The following KPNA1 variants were observed in gnomAD, a reference collection of about 807,000 sequenced individuals.
KPNA1 encodes importin subunit alpha-5.
A neutral mutation model predicts 70.5 loss-of-function variants in KPNA1; 10 were observed. That is an observed-to-expected ratio of 0.14 (90% CI 0.09 to 0.24). The LOEUF (loss-of-function observed/expected upper bound fraction) is 0.24, where lower values mean the gene tolerates loss of function less well. Among genes scored for constraint, KPNA1 ranks in the 10% least tolerant of loss-of-function variants. The pLI is 1.00. For synonymous variants in KPNA1, 192 were observed against 221.9 expected, an observed-to-expected ratio of 0.87 and a Z score of 1.20; for missense variants, 397 against 637.9, an observed-to-expected ratio of 0.62 and a Z score of 4.07.
At chr3:122,446,417 T>TG (rs1283177430) in intron 9 of KPNA1, among the ~76,000 whole-genome samples, 2 of 152,216 alleles carry the variant, frequency 1.3e-5, no homozygotes, top group Non-Finnish European at 2.9e-5. Context: ...TGATCCTGAA[T>TG]GACTACTGGG....
intron 1 of KPNA1, among the ~76,000 whole-genome samples, chr3:122,512,329 G>C (rs1402007139): frequency 6.6e-6 from 1 of 152,166 alleles, no homozygotes; most frequent in Non-Finnish European, 1.5e-5. Context: ...ATGAAGAAAA[G>C]ATGTTTTTAA....
chr3:122,439,892 G>C (rs1208514114), intron 10 of KPNA1, among the ~76,000 whole-genome samples: 1 of 152,148 alleles, frequency 6.6e-6, no homozygotes, highest in Admixed American at 6.5e-5. Flanking sequence ...TGTAGGTAAA[G>C]AGAATAGTTA....
chr3:122,481,102 A>G (rs2076565830), intron 2 of KPNA1, among the ~76,000 whole-genome samples: 1 of 152,258 alleles, frequency 6.6e-6, no homozygotes, highest in Non-Finnish European at 1.5e-5. Context: ...GTTCCACAAA[A>G]TATTAAATGT....
At position 122,425,943 on chromosome 3, in the gene KPNA1, T is replaced by G. The variant is rs1320082121; in HGVS notation, c.*1042A>C. 4 of 152,610 alleles carry G rather than the reference T, an allele frequency of 2.6e-5. No individual in the cohort carries two copies. The highest frequency in any genetic ancestry group is 5.9e-5 in the Non-Finnish European group (4 of 68,034). 9.5% of individuals were successfully genotyped at this position (152,610 alleles called of 1,614,324 possible). A position where few individuals can be genotyped will look rare whatever the true frequency, so the allele number is the denominator to read the frequency against. On this transcript the variant is annotated 3_prime_UTR_variant, in exon 14 of 14. Transcript: ENST00000344337. ...AATCCCAAAGTTACTTTCAAAAGTATGTGTTATCTGCCAGTCACAGAGGGG... is the reference window on the plus strand; with the variant it reads ...AATCCCAAAGTTACTTTCAAAAGTAGGTGTTATCTGCCAGTCACAGAGGGG...
chr3:122,456,193 C>T (rs908063896), intron 5 of KPNA1, among the ~76,000 whole-genome samples: 1 of 152,052 alleles, frequency 6.6e-6, no homozygotes, highest in African/African-American at 2.4e-5. Context: ...AACAAGTTCA[C>T]CTAAGATGTA....
At chr3:122,454,342 T>C (rs2076243478) in intron 5 of KPNA1, among the ~76,000 whole-genome samples, 1 of 152,344 alleles carries the variant, frequency 6.6e-6, no homozygotes, top group Middle Eastern at 3.4e-3. Context: ...TTATACCATA[T>C]TTTCTAAAAG....
intron 12 of KPNA1, among the ~76,000 whole-genome samples, chr3:122,429,209 G>A (rs1000884165): frequency 2.0e-5 from 3 of 152,130 alleles, no homozygotes; most frequent in South Asian, 2.1e-4. Flanking sequence ...CCAACTCTTC[G>A]GGAGGCCAAC....
Position 122,442,315 on chromosome 3 carries a change from A to C in KPNA1, c.918-199T>G, listed in dbSNP as rs567655072. 3.3e-5 allele frequency among the ~76,000 whole-genome samples: 5 copies of C among 152,324 alleles called. No individual in the cohort carries two copies. In the South Asian group the frequency reaches 1.0e-3, roughly 32 times the overall value. ...GAACTGTCTTTCCCCTTATTTTAGT[A>C]CATTTGGAAAAAACTACCAATCTTT... is the stretch of plus-strand genomic sequence containing the variant. On this transcript the variant is annotated intron_variant, in intron 9 of 13. Transcript: ENST00000344337.
intron 2 of KPNA1, among the ~76,000 whole-genome samples, chr3:122,487,819 C>A (rs2076646546): frequency 6.6e-6 from 1 of 152,072 alleles, no homozygotes; most frequent in African/African-American, 2.4e-5. Flanking sequence ...TGAAAAAGTT[C>A]TAGATATATG....
rs188553388 is a variant in KPNA1, at chr3:122,478,668, C to G, written c.130-11239G>C. On this transcript the variant is annotated intron_variant, in intron 2 of 13. Coordinates refer to ENST00000344337, the MANE Select transcript of KPNA1 (RefSeq NM_002264.4). ...ACTGGGACCCAGGAGGCGGAAGTTG[C>G]AGTGAGCCAAGATCGCGCCACTGCA... is the stretch of plus-strand genomic sequence containing the variant. Among the ~76,000 whole-genome samples, 10 of 150,610 alleles carry G rather than the reference C, an allele frequency of 6.6e-5. No individual in the cohort carries two copies. In the East Asian group the frequency reaches 1.9e-3, roughly 29 times the overall value.
chr3:122,435,823 G>A (rs2075978060), intron 11 of KPNA1, among the ~76,000 whole-genome samples: 1 of 152,116 alleles, frequency 6.6e-6, no homozygotes, highest in Non-Finnish European at 1.5e-5. Flanking sequence ...TCATTAAGCT[G>A]AGGATGTATG....
intron 2 of KPNA1, among the ~76,000 whole-genome samples, chr3:122,473,365 A>G (rs2076464193): frequency 6.6e-6 from 1 of 152,230 alleles, no homozygotes; most frequent in South Asian, 2.1e-4. Flanking sequence ...AATACTTCCT[A>G]ACTCATTCAG....
chr3:122,422,033 A>C lies in KPNA1; in HGVS notation c.*4952T>G, dbSNP rs980905675. 6.6e-6 allele frequency: 1 copy of C among 152,256 alleles called. No homozygotes were observed. The highest frequency in any genetic ancestry group is 2.4e-5 in the African/African-American group (1 of 41,476). The allele number at this position is 152,256 out of a possible 1,614,324, so 9.4% of individuals were successfully genotyped here. On this transcript the variant is annotated 3_prime_UTR_variant, in exon 14 of 14. Transcript: ENST00000344337. The stretch of plus-strand genomic sequence containing the variant: ...TGACAGACCACATTCAAGTACAAAG[A>C]ATCATTAGAGCCATTCCAAATCTAA...
At chr3:122,504,970 G>C (rs930809737) in intron 1 of KPNA1, among the ~76,000 whole-genome samples, 1 of 151,742 alleles carries the variant, frequency 6.6e-6, no homozygotes, top group Non-Finnish European at 1.5e-5. Flanking sequence ...TAATGTGTCT[G>C]AAGCAGACAG....
chr3:122,443,972 T>C (rs1319994565), intron 9 of KPNA1, among the ~76,000 whole-genome samples: 1 of 152,202 alleles, frequency 6.6e-6, no homozygotes, highest in East Asian at 1.9e-4. Context: ...TGGAATTTCC[T>C]AATCCTAGCA....
chr3:122,461,340 G>GA (rs746212810), intron 4 of KPNA1, 22 bp from the exon 5 acceptor site: 3,878 of 1,428,386 alleles, frequency 2.7e-3, no homozygotes, highest in Non-Finnish European at 3.1e-3. Context: ...TAAAATAAAA[G>GA]AAAAAAAAAA....
At chr3:122,431,822 G>A (rs1209438962) in intron 12 of KPNA1, among the ~76,000 whole-genome samples, 6 of 137,554 alleles carry the variant, frequency 4.4e-5, no homozygotes, top group Non-Finnish European at 9.3e-5. Flanking sequence ...TTTTTTTGTT[G>A]AAATGGAGTC....
At chr3:122,469,140 GGTTAA>G (rs2076413842) in intron 2 of KPNA1, among the ~76,000 whole-genome samples, 1 of 152,098 alleles carries the variant, frequency 6.6e-6, no homozygotes, top group Non-Finnish European at 1.5e-5. Context: ...CTGACTGACT[GGTTAA>G]GTTAAATATT....
chr3:122,439,822 G>A (rs912905629), intron 10 of KPNA1, among the ~76,000 whole-genome samples: 1 of 152,024 alleles, frequency 6.6e-6, no homozygotes, highest in African/African-American at 2.4e-5. Context: ...AGAAGACCCA[G>A]CAACTTGCTA....
Sources: allele counts gnomAD v4.1 joint callset (sites outside exome capture counted in the v4.1 genomes callset), GRCh38; gene constraint gnomAD v4.1.1; transcripts MANE v1.5; gene names NCBI Gene and HGNC (gene_info 2026-07-23, HGNC 2026-07-21).